SUPT3H: variants seen among roughly 807,000 people sequenced by gnomAD.
The protein encoded by SUPT3H is transcription initiation protein SPT3 homolog.
Under a neutral mutation model 44.3 loss-of-function variants are expected in SUPT3H, and 44 were observed. The observed-to-expected ratio is 0.99, with a 90% CI of 0.78 to 1.28. SUPT3H has a LOEUF of 1.28. Among genes scored for constraint, SUPT3H ranks in the 50% most tolerant of loss-of-function variants. The pLI, the probability that SUPT3H is intolerant of heterozygous loss-of-function variation, is 0.00. For missense variants in SUPT3H, 380 were observed against 387.1 expected, an observed-to-expected ratio of 0.98 and a Z score of 0.15; for synonymous variants, 124 against 125.6, an observed-to-expected ratio of 0.99 and a Z score of 0.09.
At chr6:44,936,646 A>G (rs1771472631) in intron 9 of SUPT3H, among the ~76,000 whole-genome samples, 1 of 152,114 alleles carries the variant, frequency 6.6e-6, no homozygotes, top group African/African-American at 2.4e-5. Context: ...AGTTCCATCC[A>G]TGTTGTAAAA....
intron 2 of SUPT3H, among the ~76,000 whole-genome samples, chr6:45,283,990 G>A (rs1017687455): frequency 1.3e-5 from 2 of 151,940 alleles, no homozygotes; most frequent in Non-Finnish European, 1.5e-5. Flanking sequence ...ATGACTACTG[G>A]GTACATAATG....
intron 2 of SUPT3H, among the ~76,000 whole-genome samples, chr6:45,174,062 T>A (rs1409855730): frequency 1.3e-5 from 2 of 152,318 alleles, no homozygotes; most frequent in Admixed American, 1.3e-4. Flanking sequence ...ATAAATAGAA[T>A]CCACCTGACT....
chr6:45,093,067 T>C (rs537781576), intron 3 of SUPT3H, among the ~76,000 whole-genome samples: 327 of 152,170 alleles, frequency 2.1e-3, no homozygotes, highest in Non-Finnish European at 3.4e-3. Context: ...TAACACAATG[T>C]AGTAAAATAA....
At chr6:44,919,572 G>A (rs1768333375) in intron 10 of SUPT3H, among the ~76,000 whole-genome samples, 1 of 150,976 alleles carries the variant, frequency 6.6e-6, no homozygotes, top group African/African-American at 2.4e-5. Flanking sequence ...TTTAATGCAA[G>A]TTCTTCATTA....
intron 2 of SUPT3H, among the ~76,000 whole-genome samples, chr6:45,281,956 C>G (rs936536689): frequency 2.0e-5 from 3 of 152,210 alleles, no homozygotes; most frequent in African/African-American, 7.2e-5. Flanking sequence ...GCAGCATCCA[C>G]TGCTGATACC....
At chr6:45,099,037 C>T in intron 3 of SUPT3H, 1 of 376,728 alleles carries the variant, frequency 2.7e-6, no homozygotes. Context: ...GCAGAAGATG[C>T]ATGTGCCAGC....
intron 2 of SUPT3H, among the ~76,000 whole-genome samples, chr6:45,321,616 T>C (rs1287483963): frequency 6.6e-6 from 1 of 152,146 alleles, no homozygotes; most frequent in East Asian, 1.9e-4. Context: ...ATCCTAAAAG[T>C]GAACTATGCA....
intron 2 of SUPT3H, among the ~76,000 whole-genome samples, chr6:45,249,652 T>C (rs921488966): frequency 6.6e-6 from 1 of 152,078 alleles, no homozygotes; most frequent in South Asian, 2.1e-4. Context: ...CCAAAACACA[T>C]TGTAAATTGT....
intron 5 of SUPT3H, among the ~76,000 whole-genome samples, chr6:45,006,615 C>T (rs1233036407): frequency 6.6e-6 from 1 of 151,942 alleles, no homozygotes; most frequent in Non-Finnish European, 1.5e-5. Context: ...TAACATTTTC[C>T]CAATCAAGTA....
chr6:44,977,056 ATGTCAGTGG>A (rs1239832006), intron 6 of SUPT3H, among the ~76,000 whole-genome samples: 1 of 152,242 alleles, frequency 6.6e-6, no homozygotes, highest in African/African-American at 2.4e-5. Flanking sequence ...ATTTGATTAA[ATGTCAGTGG>A]CCACCAGGCC....
At chr6:45,026,715 CTTG>C (rs1009867692) in intron 3 of SUPT3H, among the ~76,000 whole-genome samples, 25 of 151,868 alleles carry the variant, frequency 1.6e-4, no homozygotes, top group African/African-American at 5.8e-4. Context: ...GCTTATAATA[CTTG>C]TTTTATTTTT....
At chr6:44,929,979 G>A (rs1017307533) in intron 10 of SUPT3H, among the ~76,000 whole-genome samples, 6 of 152,076 alleles carry the variant, frequency 3.9e-5, no homozygotes, top group Non-Finnish European at 8.8e-5. Flanking sequence ...TGGGCGCTGT[G>A]GCTCATACCT....
intron 6 of SUPT3H, among the ~76,000 whole-genome samples, chr6:44,969,744 G>C (rs1380848568): frequency 6.6e-6 from 1 of 152,092 alleles, no homozygotes; most frequent in South Asian, 2.1e-4. Context: ...GAATTACATC[G>C]ACTTGAATAG....
intron 10 of SUPT3H, among the ~76,000 whole-genome samples, chr6:44,922,557 A>G (rs1449361081): frequency 6.6e-6 from 1 of 152,172 alleles, no homozygotes; most frequent in East Asian, 1.9e-4. Context: ...ACTATCAATA[A>G]AACAGTATAC....
intron 2 of SUPT3H, among the ~76,000 whole-genome samples, chr6:45,353,433 A>G (rs1792489785): frequency 6.6e-6 from 1 of 152,102 alleles, no homozygotes; most frequent in Non-Finnish European, 1.5e-5. Flanking sequence ...ATAATGCAGT[A>G]CTGGCAAAGG....
At chr6:44,884,600 A>T (rs1219562606) in intron 10 of SUPT3H, among the ~76,000 whole-genome samples, 1 of 152,206 alleles carries the variant, frequency 6.6e-6, no homozygotes, top group African/African-American at 2.4e-5. Context: ...ATGCCTATCA[A>T]TGATAGACTG....
chr6:45,328,618 C>T, intron 2 of SUPT3H: 2 of 1,608,266 alleles, frequency 1.2e-6, no homozygotes, highest in Middle Eastern at 1.7e-4. Context: ...TCCAGGCATA[C>T]TGTAAAACTA....
At chr6:44,959,225 A>G (rs1014791608) in intron 7 of SUPT3H, among the ~76,000 whole-genome samples, 24 of 152,104 alleles carry the variant, frequency 1.6e-4, no homozygotes, top group African/African-American at 5.8e-4. Context: ...TACGTCATGG[A>G]TGTATATCAA....
intron 2 of SUPT3H, among the ~76,000 whole-genome samples, chr6:45,109,557 A>G (rs1455119344): frequency 6.6e-6 from 1 of 152,230 alleles, no homozygotes; most frequent in Non-Finnish European, 1.5e-5. Context: ...TAAATTAGTT[A>G]CAATGACTGG....
Sources: gnomAD v4.1 joint callset for allele counts (sites outside exome capture counted in the v4.1 genomes callset) on GRCh38, gnomAD v4.1.1 for gene constraint, MANE v1.5 for transcripts, NCBI Gene and HGNC (gene_info 2026-07-23, HGNC 2026-07-21) for gene names.